NCK2: variants seen among roughly 807,000 people sequenced by gnomAD.
NCK2 encodes the protein NCK adaptor protein 2.
Under a neutral mutation model 33.9 loss-of-function variants are expected in NCK2, and 16 were observed. The observed-to-expected ratio is 0.47, with a 90% CI of 0.32 to 0.72. NCK2 has a LOEUF of 0.72. NCK2 is among the 30% of genes least tolerant of loss of function. The probability of loss-of-function intolerance (pLI) is 0.03; values close to 1 mark genes in which losing one functional copy is unlikely to be tolerated. For missense variants in NCK2, 418 were observed against 537.3 expected (o/e 0.78, Z 2.19); for synonymous variants, 273 against 239.9 (o/e 1.14, Z -1.27).
Position 105,807,747 on chromosome 2 carries a change from T to TTCCCTCCCTCTCTCCCTTCTC in NCK2, c.-200-8673_-200-8672insTCTCCCTTCTCTCCCTCCCTC, listed in dbSNP as rs1675112936. 7.4e-4 allele frequency among the ~76,000 whole-genome samples: 18 copies of TTCCCTCCCTCTCTCCCTTCTC among 24,426 alleles called. 1 individual carries two copies. The highest frequency in any genetic ancestry group is 2.8e-3 in the African/African-American group (16 of 5,794). 16.0% of individuals were successfully genotyped at this position (24,426 alleles called of 152,430 possible). On this transcript the variant is annotated intron_variant, in intron 1 of 4. Transcript: ENST00000233154. ...CTTCCTTCTTTCCTTCCTTCCTTCC[T>TTCCCTCCCTCTCTCCCTTCTC]TCCCTCCCTCCCTCCCTTCTCTCCC... is the stretch of plus-strand genomic sequence containing the variant.
At chr2:105,773,755 G>A (rs1275313808) in intron 1 of NCK2, among the ~76,000 whole-genome samples, 4 of 152,118 alleles carry the variant, frequency 2.6e-5, no homozygotes, top group African/African-American at 7.2e-5. Flanking sequence ...GTGATCCTGC[G>A]GTGGAAAAGG....
intron 1 of NCK2, among the ~76,000 whole-genome samples, chr2:105,767,152 G>A (rs555312085): frequency 6.6e-5 from 10 of 152,278 alleles, no homozygotes; most frequent in African/African-American, 1.9e-4. Flanking sequence ...CTGGACCCCC[G>A]TCTGTGTTTA....
chr2:105,769,017 T>C (rs1690039632), intron 1 of NCK2, among the ~76,000 whole-genome samples: 1 of 151,922 alleles, frequency 6.6e-6, no homozygotes, highest in Non-Finnish European at 1.5e-5. Flanking sequence ...TCCCACTCTC[T>C]AATCACACGT....
chr2:105,806,830 C>T (rs1298625161), intron 1 of NCK2, among the ~76,000 whole-genome samples: 1 of 142,652 alleles, frequency 7.0e-6, no homozygotes, highest in Admixed American at 6.9e-5. Flanking sequence ...CAGTAATTTA[C>T]AAAATTAAAA....
In NCK2 at chr2:105,881,494, C is replaced by T. The variant is rs1325260397; in HGVS notation, c.393C>T (p.Ser131=). The change falls in exon 4 of 5, where the codon TCC becomes TCT. Residue 131 remains serine, a synonymous_variant. Coordinates refer to ENST00000233154, the MANE Select transcript of NCK2 (RefSeq NM_003581.5). Reference sequence around the variant, plus strand: ...TGGCCGAGCGGGAGGATGAGTTGTCCCTGGTGAAGGGGTCGCGCGTCACCG... The same window carrying T: ...TGGCCGAGCGGGAGGATGAGTTGTCTCTGGTGAAGGGGTCGCGCGTCACCG... ...AYVAEREDEL[S]LVKGSRVTVM... 6.2e-7 allele frequency: 1 copy of T among 1,613,998 alleles called. No individual in the cohort carries two copies. Among genetic ancestry groups the T allele is most frequent in the Admixed American group, 1.7e-5 (1 of 60,034 alleles).
intron 1 of NCK2, among the ~76,000 whole-genome samples, chr2:105,749,283 G>T (rs985540038): frequency 1.3e-5 from 2 of 152,176 alleles, no homozygotes; most frequent in African/African-American, 2.4e-5. Flanking sequence ...GAAGCTTCAA[G>T]TGCACTCAGA....
chr2:105,789,405 C>T (rs889112462), intron 1 of NCK2, among the ~76,000 whole-genome samples: 3 of 152,184 alleles, frequency 2.0e-5, no homozygotes, highest in Non-Finnish European at 4.4e-5. Flanking sequence ...CCAGGCTGGT[C>T]TCCCAACTCC....
intron 2 of NCK2, among the ~76,000 whole-genome samples, chr2:105,839,094 G>A (rs1034830278): frequency 5.9e-5 from 9 of 152,096 alleles, no homozygotes; most frequent in South Asian, 2.1e-4. Context: ...ACATTTGAAT[G>A]GCGGCTTGAA....
At chr2:105,872,284 CG>C (rs1678047116) in intron 3 of NCK2, among the ~76,000 whole-genome samples, 1 of 152,204 alleles carries the variant, frequency 6.6e-6, no homozygotes, top group African/African-American at 2.4e-5. Flanking sequence ...ACCTTCCCCC[CG>C]CCACCAGGCC....
intron 2 of NCK2, among the ~76,000 whole-genome samples, chr2:105,831,837 C>G (rs1323293277): frequency 3.9e-5 from 6 of 152,222 alleles, no homozygotes; most frequent in African/African-American, 1.4e-4. Flanking sequence ...ATGCCTCAAA[C>G]TTTGTTCTTT....
At chr2:105,851,102 T>C (rs1428783204) in intron 2 of NCK2, among the ~76,000 whole-genome samples, 1 of 152,164 alleles carries the variant, frequency 6.6e-6, no homozygotes, top group Non-Finnish European at 1.5e-5. Context: ...CCCACTTGTT[T>C]TGGGGTCTCT....
chr2:105,750,610 AC>A (rs1573549623), intron 1 of NCK2, among the ~76,000 whole-genome samples: 1 of 152,176 alleles, frequency 6.6e-6, no homozygotes, highest in Non-Finnish European at 1.5e-5. Flanking sequence ...TGGTTGTAGC[AC>A]CCCATAACAG....
intron 1 of NCK2, among the ~76,000 whole-genome samples, chr2:105,756,827 G>A (rs898409031): frequency 2.6e-5 from 4 of 152,132 alleles, no homozygotes; most frequent in African/African-American, 4.8e-5. Flanking sequence ...TTTTTGAGAC[G>A]GAGTTTCGCT....
intron 2 of NCK2, among the ~76,000 whole-genome samples, chr2:105,824,968 A>G (rs1011999100): frequency 5.9e-5 from 9 of 152,174 alleles, no homozygotes; most frequent in African/African-American, 2.2e-4. Context: ...AGCATCAGGG[A>G]TTCCCCCAAG....
intron 2 of NCK2, among the ~76,000 whole-genome samples, chr2:105,847,870 A>G (rs115498953): frequency 0.014 from 2,059 of 152,298 alleles, 21 homozygotes; most frequent in Non-Finnish European, 0.018. Flanking sequence ...ATACAAGCTG[A>G]TAGCATTAGC....
intron 4 of NCK2, among the ~76,000 whole-genome samples, chr2:105,890,859 C>T (rs928514948): frequency 1.3e-5 from 2 of 152,210 alleles, no homozygotes; most frequent in African/African-American, 2.4e-5. Context: ...CTGTAATAGA[C>T]AATGGCCTAG....
At chr2:105,839,918 C>T (rs750536539) in intron 2 of NCK2, among the ~76,000 whole-genome samples, 6 of 152,144 alleles carry the variant, frequency 3.9e-5, no homozygotes, top group Admixed American at 1.3e-4. Context: ...GTGATCTCCG[C>T]GCAGCTGGTG....
At chr2:105,890,081 TA>T (rs1276650480) in intron 4 of NCK2, among the ~76,000 whole-genome samples, 1 of 152,202 alleles carries the variant, frequency 6.6e-6, no homozygotes, top group African/African-American at 2.4e-5. Flanking sequence ...TAGTTTAAAT[TA>T]AAGAACACTC....
intron 3 of NCK2, among the ~76,000 whole-genome samples, chr2:105,873,046 G>A (rs895994222): frequency 6.6e-6 from 1 of 152,186 alleles, no homozygotes; most frequent in African/African-American, 2.4e-5. Context: ...AAAGGTCACT[G>A]TCCTTCCATA....
Sources: gnomAD v4.1 joint callset for allele counts (sites outside exome capture counted in the v4.1 genomes callset) on GRCh38, gnomAD v4.1.1 for gene constraint, MANE v1.5 for transcripts, NCBI Gene and HGNC (gene_info 2026-07-23, HGNC 2026-07-21) for gene names.